The following RAD21 variants were observed in gnomAD, a reference collection of about 807,000 sequenced individuals.
RAD21 encodes double-strand-break repair protein rad21 homolog.
In RAD21, 18 loss-of-function variants were observed where a neutral mutation model predicts 71.5. The ratio of observed to expected loss-of-function variants is 0.25; its 90% CI spans 0.17 to 0.37. The LOEUF (loss-of-function observed/expected upper bound fraction) is 0.37, where lower values mean the gene tolerates loss of function less well. Among genes scored for constraint, RAD21 ranks in the 10% least tolerant of loss-of-function variants. The probability of loss-of-function intolerance (pLI) is 1.00; values close to 1 mark genes in which losing one functional copy is unlikely to be tolerated. For synonymous variants in RAD21, 248 were observed against 254.0 expected, an observed-to-expected ratio of 0.98 and a Z score of 0.22; for missense variants, 493 against 769.1, an observed-to-expected ratio of 0.64 and a Z score of 4.25.
At chr8:116,855,866 G>A (rs999158428) in intron 8 of RAD21, among the ~76,000 whole-genome samples, 1 of 152,166 alleles carries the variant, frequency 6.6e-6, no homozygotes, top group Non-Finnish European at 1.5e-5. Context: ...ACTAAGATAT[G>A]CATTATCAGA....
At chr8:116,850,222 C>G (rs924429971) in intron 12 of RAD21, among the ~76,000 whole-genome samples, 4 of 152,146 alleles carry the variant, frequency 2.6e-5, no homozygotes, top group Admixed American at 6.5e-5. Flanking sequence ...AAAACCCAGA[C>G]AAGTGGAAAA....
chr8:116,865,410 T>G (rs2130483256), intron 2 of RAD21, among the ~76,000 whole-genome samples: 2 of 149,954 alleles, frequency 1.3e-5, no homozygotes, highest in South Asian at 4.3e-4. Flanking sequence ...ACGTTTTCCA[T>G]TAACTTATCC....
At chr8:116,848,715 C>T (rs1812293924) in intron 13 of RAD21, among the ~76,000 whole-genome samples, 1 of 150,848 alleles carries the variant, frequency 6.6e-6, no homozygotes, top group Non-Finnish European at 1.5e-5. Context: ...TTCCGGCTTA[C>T]TCTTGGCCTA....
chr8:116,862,540 T>C (rs1350341232), intron 3 of RAD21, among the ~76,000 whole-genome samples: 1 of 152,098 alleles, frequency 6.6e-6, no homozygotes, highest in African/African-American at 2.4e-5. Flanking sequence ...GTATCCTCAG[T>C]AGAAACTGTT....
chr8:116,866,788 AAAC>A (rs1812703231), intron 1 of RAD21, 27 bp from the exon 2 acceptor site: 1 of 1,461,298 alleles, frequency 6.8e-7, no homozygotes, highest in Non-Finnish European at 9.1e-7. Flanking sequence ...AAGTTAATGT[AAAC>A]ATCATCTGAC....
chr8:116,861,814 C>A (rs1193602900), intron 4 of RAD21, 27 bp downstream of exon 4: 2 of 1,559,282 alleles, frequency 1.3e-6, no homozygotes, highest in South Asian at 2.2e-5. Context: ...ACCAAGTCAA[C>A]AATTTTTTTT....
rs1260718985 is a variant in RAD21, at chr8:116,852,816, T to A, written c.1162-108A>T. 4.0e-6 allele frequency: 3 copies of A among 746,530 alleles called. No individual in the cohort carries two copies. In the African/African-American group the frequency reaches 5.5e-5, roughly 14 times the overall value. 46.2% of individuals were successfully genotyped at this position (746,530 alleles called of 1,614,324 possible). A position where few individuals can be genotyped will look rare whatever the true frequency, so the allele number is the denominator to read the frequency against. On this transcript the variant is annotated intron_variant, in intron 9 of 13. Transcript: ENST00000297338. The stretch of plus-strand genomic sequence containing the variant: ...GTATGTTCTAATAAATATAAGTGTA[T>A]AATTTAGCATGGCTTTTATCATATT...
At chr8:116,868,362 G>T (rs1339602815) in intron 1 of RAD21, among the ~76,000 whole-genome samples, 1 of 152,156 alleles carries the variant, frequency 6.6e-6, no homozygotes, top group Non-Finnish European at 1.5e-5. Context: ...CATTCCGTGA[G>T]ATTCATATAC....
At position 116,854,187 on chromosome 8, in the gene RAD21, C is replaced by CT. The variant is rs201090747; in HGVS notation, c.1161+57dup. ...AAAAATGATTCAAAGGTTTTAGAAT[C>CT]TTTTTTTTTTAGATGCTCAAAATGT... On this transcript the variant is annotated intron_variant, in intron 9 of 13. Coordinates refer to ENST00000297338, the MANE Select transcript of RAD21 (RefSeq NM_006265.3). 8.5e-3 allele frequency: 9,713 copies of CT among 1,148,308 alleles called. 35 individuals are homozygous for CT. Among genetic ancestry groups the CT allele is most frequent in the African/African-American group, 0.044 (2,788 of 62,746 alleles). 71.1% of individuals were successfully genotyped at this position (1,148,308 alleles called of 1,614,324 possible). A position where few individuals can be genotyped will look rare whatever the true frequency, so the allele number is the denominator to read the frequency against.
intron 3 of RAD21, 23 bp downstream of exon 3, chr8:116,863,107 A>AAC: frequency 6.3e-7 from 1 of 1,578,688 alleles, no homozygotes; most frequent in African/African-American, 1.4e-5. Context: ...ACAACAACAA[A>AAC]AACCAAACAA....
intron 8 of RAD21, 71 bp downstream of exon 8, chr8:116,856,095 G>GT: frequency 6.6e-7 from 1 of 1,518,894 alleles, no homozygotes; most frequent in Non-Finnish European, 8.9e-7. Context: ...TAGCAGATCA[G>GT]TAGACAGGCA....
intron 6 of RAD21, among the ~76,000 whole-genome samples, 171 bp from the exon 7 acceptor site, chr8:116,856,942 T>TA (rs1257927021): frequency 1.1e-4 from 16 of 151,766 alleles, no homozygotes; most frequent in Non-Finnish European, 1.0e-4. Context: ...ACTTGGTATA[T>TA]AAAAAAAAAT....
chr8:116,861,782 C>G (rs1239078332), intron 4 of RAD21, 59 bp downstream of exon 4: 2 of 1,240,304 alleles, frequency 1.6e-6, no homozygotes, highest in African/African-American at 3.0e-5. Context: ...CATTTGGAAG[C>G]TAATACTACT....
intron 1 of RAD21, among the ~76,000 whole-genome samples, chr8:116,873,649 C>T (rs1812892451): frequency 6.7e-6 from 1 of 149,552 alleles, no homozygotes; most frequent in African/African-American, 2.5e-5. Flanking sequence ...TTTTTTTTCA[C>T]GCTGAAGACA....
intron 4 of RAD21, among the ~76,000 whole-genome samples, chr8:116,860,552 C>A (rs1293237823): frequency 6.6e-6 from 1 of 152,218 alleles, no homozygotes; most frequent in African/African-American, 2.4e-5. Context: ...AGCAAAAAAA[C>A]TGCAACTTGC....
At chr8:116,860,941 A>G (rs956084678) in intron 4 of RAD21, among the ~76,000 whole-genome samples, 6 of 152,178 alleles carry the variant, frequency 3.9e-5, no homozygotes, top group East Asian at 1.9e-4. Flanking sequence ...AACAGATGTA[A>G]TAAGACTGGC....
Position 116,847,704 on chromosome 8 carries a change from CA to C in RAD21, c.1705-14del. ...TAGCAAGAGCACGCTGAAATAAAAC[CA>C]AAAAAGGGTAACTTAATCTGTATAA... is the stretch of plus-strand genomic sequence containing the variant. On this transcript the variant is annotated splice_polypyrimidine_tract_variant and intron_variant, in intron 13 of 13. Transcript: ENST00000297338. 1 of 1,589,178 alleles carries C rather than the reference CA, an allele frequency of 6.3e-7. No homozygotes were observed.
chr8:116,864,059 T>C (rs1269675907), intron 2 of RAD21, among the ~76,000 whole-genome samples: 1 of 152,148 alleles, frequency 6.6e-6, no homozygotes, highest in Non-Finnish European at 1.5e-5. Flanking sequence ...TAGCTTTTTT[T>C]CACCAGAAAA....
At chr8:116,866,250 G>A (rs1444103361) in intron 2 of RAD21, among the ~76,000 whole-genome samples, 4 of 116,762 alleles carry the variant, frequency 3.4e-5, no homozygotes, top group Admixed American at 2.6e-4. Context: ...GCACTTCCAC[G>A]TCGGTTTTTT....
Sources: allele counts gnomAD v4.1 joint callset (sites outside exome capture counted in the v4.1 genomes callset), GRCh38; gene constraint gnomAD v4.1.1; transcripts MANE v1.5; gene names NCBI Gene and HGNC (gene_info 2026-07-23, HGNC 2026-07-21).